The following SMCHD1 variants were observed in gnomAD, a reference collection of about 807,000 sequenced individuals.
SMCHD1 encodes structural maintenance of chromosomes flexible hinge domain-containing protein 1.
In SMCHD1, 78 loss-of-function variants were observed where a neutral mutation model predicts 254.7. That is an observed-to-expected ratio of 0.31 (90% CI 0.26 to 0.37). The LOEUF (loss-of-function observed/expected upper bound fraction) is 0.37. Among genes scored for constraint, SMCHD1 ranks in the 10% least tolerant of loss-of-function variants. The pLI is 1.00. For missense variants in SMCHD1, 1,840 were observed against 2,408.1 expected (o/e 0.76, Z 4.94); for synonymous variants, 766 against 794.9 (o/e 0.96, Z 0.61).
Position 2,751,639 on chromosome 18 carries a change from T to G in SMCHD1, c.4281+246T>G, listed in dbSNP as rs7237908. On this transcript the variant is annotated intron_variant, in intron 33 of 47. Coordinates refer to ENST00000320876, the MANE Select transcript of SMCHD1 (RefSeq NM_015295.3). ...ATTTTAAGATGCCTACACATTAAAATTATTTCATCTGAAGGACAGTAGCAC... is the reference window on the plus strand; with the variant it reads ...ATTTTAAGATGCCTACACATTAAAAGTATTTCATCTGAAGGACAGTAGCAC... Among the ~76,000 whole-genome samples the G allele has an allele frequency of 5.4e-3, 818 of 152,026 alleles. 4 individuals carry two copies. The highest frequency in any genetic ancestry group is 0.011 in the Admixed American group (165 of 15,266).
Position 2,656,234 on chromosome 18 carries a change from C to T in SMCHD1, c.159C>T (p.Tyr53=), listed in dbSNP as rs1206890396. 2 of 1,501,414 alleles carry T rather than the reference C, an allele frequency of 1.3e-6. No individual in the cohort carries two copies. The highest frequency in any genetic ancestry group is 1.5e-5 in the African/African-American group (1 of 67,698). The allele number at this position is 1,501,414 out of a possible 1,614,324, so 93.0% of individuals were successfully genotyped here. A position where few individuals can be genotyped will look rare whatever the true frequency, so the allele number is the denominator to read the frequency against. ...RPLQVGERSD[Y]AGFRACVCQT... is the part of the protein sequence containing the mutation. The stretch of plus-strand genomic sequence containing the variant: ...TGCAGGTCGGGGAGCGCTCGGACTA[C>T]GCGGGATTTCGCGCGTGTGTGTGTC... Residue 53 remains tyrosine, a synonymous_variant, in exon 1 of 48, where the codon TAC becomes TAT. Transcript: ENST00000320876.
At chr18:2,737,184 G>A (rs1048307447) in intron 25 of SMCHD1, among the ~76,000 whole-genome samples, 6 of 152,048 alleles carry the variant, frequency 3.9e-5, no homozygotes, top group Admixed American at 2.6e-4. Flanking sequence ...AATACACATG[G>A]ACATAAAAAT....
chr18:2,726,901 CTT>C, intron 22 of SMCHD1: 1 of 154,846 alleles, frequency 6.5e-6, no homozygotes, highest in East Asian at 1.9e-4. Context: ...TTGATAATGA[CTT>C]AACCTGAGAA....
chr18:2,731,628 T>C (rs530722839), intron 24 of SMCHD1, among the ~76,000 whole-genome samples: 2 of 152,258 alleles, frequency 1.3e-5, no homozygotes, highest in Non-Finnish European at 2.9e-5. Flanking sequence ...CTTAATTTCT[T>C]ACATCTTTGT....
At chr18:2,717,813 T>G (rs2074836465) in intron 17 of SMCHD1, among the ~76,000 whole-genome samples, 2 of 152,030 alleles carry the variant, frequency 1.3e-5, no homozygotes, top group Admixed American at 6.5e-5. Context: ...AAAAATTTTG[T>G]TTTTTTTAAT....
chr18:2,786,988 G>C (rs2076250689), intron 45 of SMCHD1, among the ~76,000 whole-genome samples: 1 of 152,130 alleles, frequency 6.6e-6, no homozygotes, highest in South Asian at 2.1e-4. Flanking sequence ...CAGTGTCTTA[G>C]TCTGTTTTGT....
rs1200587201 is a variant in SMCHD1 at position 2,689,211 on chromosome 18, A to AT, written c.873+472dup. On this transcript the variant is annotated intron_variant, in intron 7 of 47. Coordinates refer to ENST00000320876, the MANE Select transcript of SMCHD1 (RefSeq NM_015295.3). ...TCAACTCTTCTTTGTTTGAAACATG[A>AT]TTTTTTTTCTTTTTTTTTTTTTTTG... 4.5e-3 allele frequency among the ~76,000 whole-genome samples: 601 copies of AT among 133,788 alleles called. 1 individual carries two copies. Among genetic ancestry groups the AT allele is most frequent in the Middle Eastern group, 0.012 (3 of 258 alleles). 87.8% of individuals were successfully genotyped at this position (133,788 alleles called of 152,430 possible).
intron 5 of SMCHD1, among the ~76,000 whole-genome samples, chr18:2,682,352 G>A (rs2073951913): frequency 6.8e-6 from 1 of 147,858 alleles, no homozygotes; most frequent in African/African-American, 2.5e-5. Context: ...TTGAGACAGA[G>A]TCCCACCTCT....
rs185019145 is a variant in SMCHD1 at position 2,771,081 on chromosome 18, G to A, written c.4967-452G>A. 1.4e-4 allele frequency among the ~76,000 whole-genome samples: 22 copies of A among 152,122 alleles called. No homozygotes were observed. The East Asian group carries it at 2.1e-3, about 15-fold the overall frequency. ...TCAAGTTAACCAAGAAATATTTACC[G>A]CTTGCCTCAAAGTACTCACTTTTGT... On this transcript the variant is annotated intron_variant, in intron 39 of 47. Transcript: ENST00000320876.
At position 2,714,699 on chromosome 18, in the gene SMCHD1, C is replaced by A. The variant is rs1474770853; in HGVS notation, c.2261-3459C>A. Among the ~76,000 whole-genome samples, 4 of 151,910 alleles carry A rather than the reference C, an allele frequency of 2.6e-5. 1 individual carries two copies. The East Asian group carries it at 7.7e-4, about 29-fold the overall frequency. On this transcript the variant is annotated intron_variant, in intron 17 of 47. Coordinates refer to ENST00000320876, the MANE Select transcript of SMCHD1 (RefSeq NM_015295.3). ...GATGGCTAGTATTGACCATTTGTTT[C>A]CATGTTTAGAACTCCTTTGACTGTT...
chr18:2,712,503 T>G (rs2074703178), intron 17 of SMCHD1, among the ~76,000 whole-genome samples: 1 of 152,174 alleles, frequency 6.6e-6, no homozygotes, highest in African/African-American at 2.4e-5. Context: ...GAAAATACGT[T>G]TTTGCGGGAT....
chr18:2,783,301 C>A (rs923927364), intron 44 of SMCHD1, among the ~76,000 whole-genome samples: 31 of 152,106 alleles, frequency 2.0e-4, no homozygotes, highest in Non-Finnish European at 4.4e-5. Context: ...AACTTTTTAA[C>A]ACTTGTCCCA....
intron 47 of SMCHD1, chr18:2,796,921 A>G (rs1354943066): frequency 6.5e-6 from 1 of 154,886 alleles, no homozygotes; most frequent in African/African-American, 2.4e-5. Context: ...GTTCATGTCT[A>G]ATTCTTCCTT....
chr18:2,796,498 A>T lies in SMCHD1; in HGVS notation c.5970A>T (p.Arg1990Ser). 1 of 1,599,372 alleles carries T rather than the reference A, an allele frequency of 6.3e-7. No individual in the cohort carries two copies. Among genetic ancestry groups the T allele is most frequent in the Non-Finnish European group, 8.5e-7 (1 of 1,172,410 alleles). ...GTCCAGTTCCTCCTAAAAGAATGAG[A>T]CGAGAAGCTACAAGACAAAATAGGT... ...TDCPVPPKRM[R>S]REATRQNRII... Residue 1990 changes from arginine (R) to serine (S), a missense_variant, in exon 47 of 48, where the codon AGA (arginine) becomes AGT (serine). Around this residue, in one of 9 missense-constraint regions of SMCHD1, gnomAD observed 132 missense variants for 138.2 expected, o/e 0.95. Transcript: ENST00000320876.
chr18:2,712,967 C>T (rs952419854), intron 17 of SMCHD1, among the ~76,000 whole-genome samples: 4 of 152,180 alleles, frequency 2.6e-5, no homozygotes, highest in Non-Finnish European at 5.9e-5. Flanking sequence ...TCTTTTGGTT[C>T]TTATCGAACC....
chr18:2,700,361 A>G (rs189007462), intron 10 of SMCHD1, among the ~76,000 whole-genome samples, 178 bp from the exon 11 acceptor site: 13 of 152,352 alleles, frequency 8.5e-5, no homozygotes, highest in African/African-American at 3.1e-4. Flanking sequence ...ATTGACTTCT[A>G]AATGACAGAC....
intron 45 of SMCHD1, among the ~76,000 whole-genome samples, chr18:2,795,413 T>G (rs2076244839): frequency 6.6e-6 from 1 of 152,128 alleles, no homozygotes; most frequent in Admixed American, 6.5e-5. Context: ...GATGATTTTC[T>G]TTTTTTACAG....
intron 16 of SMCHD1, 33 bp from the exon 17 acceptor site, chr18:2,707,774 G>A: frequency 6.4e-7 from 1 of 1,550,394 alleles, no homozygotes; most frequent in Non-Finnish European, 8.8e-7. Context: ...ATTTTTGGGT[G>A]TAATTAAGAT....
At chr18:2,753,867 C>G (rs141931160) in intron 34 of SMCHD1, among the ~76,000 whole-genome samples, 1 of 152,032 alleles carries the variant, frequency 6.6e-6, no homozygotes, top group African/African-American at 2.4e-5. Context: ...CTTCCCAACA[C>G]GGTTTTGTGG....
Sources: gnomAD v4.1 joint callset for allele counts (sites outside exome capture counted in the v4.1 genomes callset) on GRCh38, gnomAD v4.1.1 for gene constraint, gnomAD v4.1.1 regional missense constraint, MANE v1.5 for transcripts, NCBI Gene and HGNC (gene_info 2026-07-23, HGNC 2026-07-21) for gene names.